Variants in STK25 observed in about 807,000 individuals in gnomAD.
STK25 encodes the protein serine/threonine kinase 25, also known as serine/threonine-protein kinase 25.
In STK25, 29 loss-of-function variants were observed where a neutral mutation model predicts 53.8. That is an observed-to-expected ratio of 0.54 (90% CI 0.40 to 0.74). The LOEUF is 0.74. STK25 is among the 30% of genes least tolerant of loss of function. The pLI is 0.00. For missense variants in STK25, 420 were observed against 568.0 expected (o/e 0.74, Z 2.65); for synonymous variants, 247 against 238.3 (o/e 1.04, Z -0.33).
At position 241,501,810 on chromosome 2, in the gene STK25, G is replaced by A; in HGVS notation, c.31-102C>T. 2 of 803,828 alleles carry A rather than the reference G, an allele frequency of 2.5e-6. No individual in the cohort carries two copies. The highest frequency in any genetic ancestry group is 4.0e-6 in the Non-Finnish European group (2 of 495,884). The allele number at this position is 803,828 out of a possible 1,614,324, so 49.8% of individuals were successfully genotyped here. On this transcript the variant is annotated intron_variant, in intron 2 of 11. Transcript: ENST00000316586. This position sits in a 1 kb window ranked among gnomAD's most constrained non-coding sequence, Gnocchi z 5.3. ...TGGGGAGGAAGGGACCTGTAGGGAA[G>A]GGGGAGTCCAAGGGAGCGCACCTCA...
intron 2 of STK25, among the ~76,000 whole-genome samples, chr2:241,507,527 T>G (rs2065908940): frequency 6.6e-6 from 1 of 152,180 alleles, no homozygotes; most frequent in Non-Finnish European, 1.5e-5. Context: ...CACCGGCCAC[T>G]CAGATCTGCT....
chr2:241,499,802 T>C, intron 5 of STK25: 1 of 456,142 alleles, frequency 2.2e-6, no homozygotes, highest in South Asian at 2.1e-5. Flanking sequence ...TCGTTGCCAG[T>C]GGCAAGTCCC....
In STK25 at chr2:241,498,640, T is replaced by C; in HGVS notation, c.916A>G (p.Ile306Val). Residue 306 changes from isoleucine to valine, a missense_variant and splice_region_variant, in exon 8 of 12, where the codon ATT becomes GTT. By Grantham distance (29) the Ile-to-Val change is conservative (BLOSUM62 3). Transcript: ENST00000316586. ...GEESSSEDSD[I>V]DGEAEDGEQG... ...CATGAGGATAAACCAGGTCCCTACA[T>C]GTCAGAGTCCTCAGAGCTGGACTCC... 1 of 1,612,950 alleles carries C rather than the reference T, an allele frequency of 6.2e-7. No homozygotes were observed. The highest frequency in any genetic ancestry group is 8.5e-7 in the Non-Finnish European group (1 of 1,179,430).
chr2:241,507,702 G>A (rs2065923692), intron 2 of STK25, among the ~76,000 whole-genome samples: 1 of 152,266 alleles, frequency 6.6e-6, no homozygotes, highest in Non-Finnish European at 1.5e-5. Context: ...CGCGCTGGGG[G>A]CAGCGCCCCG....
intron 11 of STK25, 36 bp from the exon 12 acceptor site, chr2:241,495,737 C>T (rs373917378): frequency 2.7e-5 from 44 of 1,613,230 alleles, no homozygotes; most frequent in Non-Finnish European, 3.6e-5. Flanking sequence ...CGTGCGTGCA[C>T]CTCTGTGCCC....
At chr2:241,506,699 A>G (rs1488524498) in intron 2 of STK25, among the ~76,000 whole-genome samples, 1 of 152,206 alleles carries the variant, frequency 6.6e-6, no homozygotes, top group Non-Finnish European at 1.5e-5. Context: ...CTTGGGAGGC[A>G]GAGGGTGCAG....
In STK25 at chr2:241,504,642, A is replaced by G. The variant is rs554956958; in HGVS notation, c.31-2934T>C. Among the ~76,000 whole-genome samples the G allele has an allele frequency of 7.5e-4, 114 of 152,268 alleles. No individual in the cohort carries two copies. The South Asian group carries it at 0.012, about 16-fold the overall frequency. Reference sequence around the variant, plus strand: ...AAGGAAAGTCAACCCAGAACATGCAATCTTTTTTTGAGATGGGGGGTCTCG... The same window carrying G: ...AAGGAAAGTCAACCCAGAACATGCAGTCTTTTTTTGAGATGGGGGGTCTCG... On this transcript the variant is annotated intron_variant, in intron 2 of 11. Coordinates refer to ENST00000316586, the MANE Select transcript of STK25 (RefSeq NM_001271977.2).
intron 2 of STK25, among the ~76,000 whole-genome samples, chr2:241,506,082 G>A (rs951378063): frequency 5.3e-5 from 8 of 152,204 alleles, no homozygotes; most frequent in Admixed American, 5.2e-4. Context: ...ACAGCCATTC[G>A]GGCCCTCCAG....
rs2065145851 is a variant in STK25, at chr2:241,496,218, C to T, written c.1241+180G>A. Among the ~76,000 whole-genome samples, 1 of 151,136 alleles carries T rather than the reference C, an allele frequency of 6.6e-6. No homozygotes were observed. Among genetic ancestry groups the T allele is most frequent in the Non-Finnish European group, 1.5e-5 (1 of 67,654 alleles). On this transcript the variant is annotated intron_variant, in intron 11 of 11. Transcript: ENST00000316586. This position sits in a 1 kb window ranked among gnomAD's most constrained non-coding sequence, Gnocchi z 5.8. ...CCACTCTCTCCAGCCCCAAAGTCTCCATGGCCCTGTGAGCTGGGTCCAAAC... is the reference window on the plus strand; with the variant it reads ...CCACTCTCTCCAGCCCCAAAGTCTCTATGGCCCTGTGAGCTGGGTCCAAAC...
At position 241,494,126 on chromosome 2, in the gene STK25, C is replaced by T. The variant is rs780507764; in HGVS notation, c.*1536G>A. 1.6e-5 allele frequency: 23 copies of T among 1,467,138 alleles called. No homozygotes were observed. The highest frequency in any genetic ancestry group is 1.8e-4 in the Middle Eastern group (1 of 5,654). The allele number at this position is 1,467,138 out of a possible 1,614,324, so 90.9% of individuals were successfully genotyped here. On this transcript the variant is annotated 3_prime_UTR_variant, in exon 12 of 12. Coordinates refer to ENST00000316586, the MANE Select transcript of STK25 (RefSeq NM_001271977.2). The surrounding 1 kb of genome is among the most constrained non-coding windows in gnomAD (Gnocchi z 4.9). ...GATGGTCAGGGGGAAGGAGGAATGA[C>T]GCTCAACCTGCCCAGGTTTGGACAC...
chr2:241,495,728 G>C (rs758781901), intron 11 of STK25, 27 bp from the exon 12 acceptor site: 2 of 1,613,698 alleles, frequency 1.2e-6, no homozygotes, highest in East Asian at 4.5e-5. Flanking sequence ...CCACTGCTGC[G>C]TGCGTGCACC....
rs754785882 is a variant in STK25, at chr2:241,501,577, C to T, written c.162G>A (p.Glu54=). Reference sequence around the variant, plus strand: ...TGTCCTCGATCTCATCCTCGGCCTCCTCCAGGTCGATGATCTTGATGGCCA... The same window carrying T: ...TGTCCTCGATCTCATCCTCGGCCTCTTCCAGGTCGATGATCTTGATGGCCA... ...EVVAIKIIDL[E]EAEDEIEDIQ... is the part of the protein sequence containing the mutation. Residue 54 remains glutamate (E), a synonymous_variant, in exon 3 of 12, where the codon GAG becomes GAA. Transcript: ENST00000316586. The surrounding 1 kb of genome is among the most constrained non-coding windows in gnomAD (Gnocchi z 5.3). 5 of 1,614,030 alleles carry T rather than the reference C, an allele frequency of 3.1e-6. No homozygotes were observed. Among genetic ancestry groups the T allele is most frequent in the East Asian group, 4.5e-5 (2 of 44,892 alleles).
chr2:241,496,389 C>T lies in STK25; in HGVS notation c.1241+9G>A, dbSNP rs1343301873. 4.3e-6 allele frequency: 7 copies of T among 1,609,972 alleles called. No individual in the cohort carries two copies. Among genetic ancestry groups the T allele is most frequent in the African/African-American group, 2.7e-5 (2 of 74,808 alleles). ...GCTCTCCCCGACCCTATGGCACGGC[C>T]GCCCTCACCTCTGCACTCGCTCCAC... is the stretch of plus-strand genomic sequence containing the variant. On this transcript the variant is annotated intron_variant, in intron 11 of 11. Transcript: ENST00000316586. The surrounding 1 kb of genome is among the most constrained non-coding windows in gnomAD (Gnocchi z 5.8).
rs575260425 is a variant in STK25, at chr2:241,505,623, G to A, written c.30+2383C>T. ...GAATCTGCTCCATCACAGCAGCCCC[G>A]GTAGGGAAACCCCTGGGTGGGCACT... On this transcript the variant is annotated intron_variant, in intron 2 of 11. Coordinates refer to ENST00000316586, the MANE Select transcript of STK25 (RefSeq NM_001271977.2). 8.5e-5 allele frequency among the ~76,000 whole-genome samples: 13 copies of A among 152,290 alleles called. No homozygotes were observed. The East Asian group carries it at 1.5e-3, about 18-fold the overall frequency.
In STK25 at chr2:241,499,421, G is replaced by T; in HGVS notation, c.428-7C>A. On this transcript the variant is annotated splice_polypyrimidine_tract_variant and splice_region_variant and intron_variant, in intron 5 of 11. Coordinates refer to ENST00000316586, the MANE Select transcript of STK25 (RefSeq NM_001271977.2). ...GAGAGTAGCACGTTGGCAGCTGCTTGACACAGGACAGGCAGGCGTCATCCC... is the reference window on the plus strand; with the variant it reads ...GAGAGTAGCACGTTGGCAGCTGCTTTACACAGGACAGGCAGGCGTCATCCC... The T allele has an allele frequency of 6.2e-7, 1 of 1,612,852 alleles. No homozygotes were observed. Among genetic ancestry groups the T allele is most frequent in the Non-Finnish European group, 8.5e-7 (1 of 1,179,492 alleles).
chr2:241,493,540 C>T lies in STK25; in HGVS notation c.*2122G>A. 1 of 1,172,794 alleles carries T rather than the reference C, an allele frequency of 8.5e-7. No individual in the cohort carries two copies. The highest frequency in any genetic ancestry group is 2.4e-5 in the East Asian group (1 of 42,534). 72.6% of individuals were successfully genotyped at this position (1,172,794 alleles called of 1,614,324 possible). On this transcript the variant is annotated 3_prime_UTR_variant, in exon 12 of 12. Coordinates refer to ENST00000316586, the MANE Select transcript of STK25 (RefSeq NM_001271977.2). ...GGTGGTGGAGGCAAGTTTTCTGGGC[C>T]CTGGAAAGGAAGGGCTGAGCAATGC...
At position 241,508,431 on chromosome 2, in the gene STK25, C is replaced by G. The variant is rs1281443309; in HGVS notation, c.-101+12G>C. ...CAATCGCCGCAAGCGCCCCGCCCGG[C>G]AGCGCGCCCACCTCCGCGGGGCTCC... On this transcript the variant is annotated intron_variant, in intron 1 of 11. Coordinates refer to ENST00000316586, the MANE Select transcript of STK25 (RefSeq NM_001271977.2). 3 of 1,084,714 alleles carry G rather than the reference C, an allele frequency of 2.8e-6. No homozygotes were observed. The highest frequency in any genetic ancestry group is 3.4e-6 in the Non-Finnish European group (3 of 890,074). The allele number at this position is 1,084,714 out of a possible 1,614,324, so 67.2% of individuals were successfully genotyped here.
intron 3 of STK25, 74 bp from the exon 4 acceptor site, chr2:241,500,870 C>T: frequency 6.0e-6 from 9 of 1,512,252 alleles, no homozygotes; most frequent in South Asian, 2.3e-5. Context: ...AGTCACAGGC[C>T]GGAGTCAGCC....
intron 10 of STK25, 101 bp downstream of exon 10, chr2:241,497,515 T>C: frequency 7.9e-7 from 1 of 1,268,094 alleles, no homozygotes; most frequent in Non-Finnish European, 1.1e-6. Flanking sequence ...AGCTAGAAGC[T>C]GAAACCACCC....
Sources: allele counts gnomAD v4.1 joint callset (sites outside exome capture counted in the v4.1 genomes callset), GRCh38; gene constraint gnomAD v4.1.1; non-coding constraint Gnocchi (gnomAD v3.1); transcripts MANE v1.5; gene names NCBI Gene and HGNC (gene_info 2026-07-23, HGNC 2026-07-21).